SORCS1: variants seen among roughly 807,000 people sequenced by gnomAD.
SORCS1 encodes sortilin related VPS10 domain containing receptor 1, also known as VPS10 domain-containing receptor SorCS1.
Under a neutral mutation model 146.1 loss-of-function variants are expected in SORCS1, and 60 were observed. The ratio of observed to expected loss-of-function variants is 0.41; its 90% CI spans 0.33 to 0.51. The LOEUF is 0.51. Ranked by LOEUF, SORCS1 falls within the 20% of genes least tolerant of loss-of-function variation. The pLI is 0.21. For missense variants in SORCS1, 1,352 were observed against 1,487.6 expected (o/e 0.91, Z 1.50); for synonymous variants, 637 against 584.0 (o/e 1.09, Z -1.31).
chr10:106,636,199 G>A (rs1848713255), intron 18 of SORCS1, among the ~76,000 whole-genome samples: 1 of 152,020 alleles, frequency 6.6e-6, no homozygotes, highest in Non-Finnish European at 1.5e-5. Flanking sequence ...AGTCAAGGCT[G>A]TAGTGAGCCA....
At chr10:106,764,839 C>T (rs367546014) in intron 4 of SORCS1, among the ~76,000 whole-genome samples, 10 of 151,840 alleles carry the variant, frequency 6.6e-5, no homozygotes, top group South Asian at 2.1e-4. Flanking sequence ...CTGGCTAACA[C>T]GGTGAAACTC....
At chr10:107,009,807 TGA>T (rs1957618476) in intron 1 of SORCS1, among the ~76,000 whole-genome samples, 1 of 152,150 alleles carries the variant, frequency 6.6e-6, no homozygotes, top group Admixed American at 6.5e-5. Context: ...TTTCACCTAT[TGA>T]GAGATGCAAA....
chr10:106,660,106 G>C (rs1429293503), intron 17 of SORCS1, among the ~76,000 whole-genome samples: 4 of 152,094 alleles, frequency 2.6e-5, no homozygotes, highest in Non-Finnish European at 5.9e-5. Flanking sequence ...TCCTTGAGAG[G>C]AGATCAGACC....
intron 24 of SORCS1, among the ~76,000 whole-genome samples, chr10:106,593,472 C>T (rs2133288732): frequency 6.6e-6 from 1 of 152,264 alleles, no homozygotes; most frequent in African/African-American, 2.4e-5. Context: ...GCGTTATGAC[C>T]AGCATAGCCA....
chr10:106,797,425 A>T (rs1035187977), intron 3 of SORCS1, among the ~76,000 whole-genome samples: 1 of 152,040 alleles, frequency 6.6e-6, no homozygotes, highest in East Asian at 1.9e-4. Context: ...TGACCCCAAC[A>T]TCTATACTTA....
intron 3 of SORCS1, among the ~76,000 whole-genome samples, chr10:106,800,441 T>A (rs1024990605): frequency 1.3e-5 from 2 of 151,802 alleles, no homozygotes; most frequent in Non-Finnish European, 2.9e-5. Context: ...TGTGTCTGTG[T>A]GTTATAGTTC....
intron 8 of SORCS1, among the ~76,000 whole-genome samples, chr10:106,701,861 G>A (rs547602288): frequency 6.6e-6 from 1 of 152,338 alleles, no homozygotes; most frequent in South Asian, 2.1e-4. Context: ...GATGAAATCA[G>A]TTAATCAGTG....
intron 1 of SORCS1, among the ~76,000 whole-genome samples, chr10:107,029,304 A>G (rs536091019): frequency 1.3e-5 from 2 of 152,348 alleles, no homozygotes; most frequent in East Asian, 3.9e-4. Flanking sequence ...ATGATGGCCA[A>G]TATTCTCTTT....
rs144339573 is a variant in SORCS1, at chr10:107,151,649, C to A, written c.558+12320G>T. On this transcript the variant is annotated intron_variant, in intron 1 of 25. Coordinates refer to ENST00000263054, the MANE Select transcript of SORCS1 (RefSeq NM_052918.5). ...GTCCCTCCCACAACAAGTGGGAATT[C>A]TGGGAGATACAATTCTAGTGGAGAT... Among the ~76,000 whole-genome samples the A allele has an allele frequency of 7.9e-5, 12 of 152,286 alleles. No homozygotes were observed. In the East Asian group the frequency reaches 2.3e-3, roughly 29 times the overall value.
At chr10:106,886,220 C>T (rs1733843408) in intron 2 of SORCS1, among the ~76,000 whole-genome samples, 1 of 152,110 alleles carries the variant, frequency 6.6e-6, no homozygotes. Flanking sequence ...CAAGATCACA[C>T]CACTGCACTA....
rs35691571 is a variant in SORCS1 at position 106,751,058 on chromosome 10, C to CAAA, written c.959+10527_959+10529dup. On this transcript the variant is annotated intron_variant, in intron 5 of 25. Coordinates refer to ENST00000263054, the MANE Select transcript of SORCS1 (RefSeq NM_052918.5). ...TGGGCGACAGGGTGAGACTCCGTCT[C>CAAA]AAAAAAAAAAAAAAAAAAAAAAAAA... Among the ~76,000 whole-genome samples the CAAA allele has an allele frequency of 1.8e-3, 41 of 22,444 alleles. 16 individuals are homozygous for CAAA. The highest frequency in any genetic ancestry group is 4.4e-3 in the Admixed American group (5 of 1,138). The allele number at this position is 22,444 out of a possible 152,430, so 14.7% of individuals were successfully genotyped here. A position where few individuals can be genotyped will look rare whatever the true frequency, so the allele number is the denominator to read the frequency against.
At chr10:107,134,466 G>A (rs1967112380) in intron 1 of SORCS1, among the ~76,000 whole-genome samples, 1 of 152,012 alleles carries the variant, frequency 6.6e-6, no homozygotes, top group Non-Finnish European at 1.5e-5. Flanking sequence ...GTGAGACCCT[G>A]TCTCTACTAA....
At chr10:106,610,486 C>T (rs1253567207) in intron 22 of SORCS1, among the ~76,000 whole-genome samples, 1 of 152,030 alleles carries the variant, frequency 6.6e-6, no homozygotes. Context: ...ATTTTAAGTG[C>T]TAACCAAATA....
intron 16 of SORCS1, among the ~76,000 whole-genome samples, chr10:106,668,953 G>C (rs1851378796): frequency 6.6e-6 from 1 of 152,116 alleles, no homozygotes; most frequent in Non-Finnish European, 1.5e-5. Flanking sequence ...CCAGCTACCG[G>C]TAGAACCCCA....
chr10:106,930,872 A>G lies in SORCS1; in HGVS notation c.626+25641T>C, dbSNP rs145547220. Among the ~76,000 whole-genome samples the G allele has an allele frequency of 3.7e-3, 567 of 152,292 alleles. 2 individuals are homozygous for G. The highest frequency in any genetic ancestry group is 0.013 in the African/African-American group (528 of 41,566). On this transcript the variant is annotated intron_variant, in intron 2 of 25. Coordinates refer to ENST00000263054, the MANE Select transcript of SORCS1 (RefSeq NM_052918.5). ...TGCTCAAAGCCTTCTCAATCAAGAC[A>G]TGGGGAATCTGCCCTTCAAAGAAAA...
intron 10 of SORCS1, among the ~76,000 whole-genome samples, chr10:106,686,555 T>G (rs992073262): frequency 2.6e-5 from 4 of 152,192 alleles, no homozygotes; most frequent in Non-Finnish European, 4.4e-5. Context: ...GCCCTGTTTT[T>G]TAAAATGCCA....
At chr10:106,620,620 C>T in intron 19 of SORCS1, 59 bp from the exon 20 acceptor site, 2 of 1,585,344 alleles carry the variant, frequency 1.3e-6, no homozygotes, top group East Asian at 2.3e-5. Flanking sequence ...GCTCTGTCCT[C>T]CCTGCTCTGA....
intron 23 of SORCS1, among the ~76,000 whole-genome samples, chr10:106,605,190 T>C (rs550670016): frequency 1.3e-5 from 2 of 152,320 alleles, no homozygotes; most frequent in East Asian, 1.9e-4. Flanking sequence ...CTCAGCTCTC[T>C]GAGAATGCCT....
At chr10:106,623,812 C>T (rs979169150) in intron 19 of SORCS1, among the ~76,000 whole-genome samples, 17 of 152,034 alleles carry the variant, frequency 1.1e-4, no homozygotes, top group African/African-American at 3.1e-4. Flanking sequence ...ATTACAGGGG[C>T]GTGCCACCAA....
Sources: gnomAD v4.1 joint callset for allele counts (sites outside exome capture counted in the v4.1 genomes callset) on GRCh38, gnomAD v4.1.1 for gene constraint, MANE v1.5 for transcripts, NCBI Gene and HGNC (gene_info 2026-07-23, HGNC 2026-07-21) for gene names.